The following TULP3 variants were observed in gnomAD, a reference collection of about 807,000 sequenced individuals.
TULP3 encodes tubby-related protein 3.
TULP3 carries 38 observed loss-of-function variants against 50.7 expected under a neutral mutation model. The ratio of observed to expected loss-of-function variants is 0.75; its 90% confidence interval spans 0.58 to 0.98. The LOEUF (loss-of-function observed/expected upper bound fraction) is 0.98. Ranked by LOEUF, TULP3 falls within the 50% of genes least tolerant of loss-of-function variation. The pLI is 0.00. For missense variants in TULP3, 550 were observed against 568.0 expected, an observed-to-expected ratio of 0.97 and a Z score of 0.32; for synonymous variants, 183 against 196.6, an observed-to-expected ratio of 0.93 and a Z score of 0.58.
chr12:2,905,403 C>T (rs2098181622), intron 1 of TULP3, among the ~76,000 whole-genome samples: 1 of 152,000 alleles, frequency 6.6e-6, no homozygotes, highest in African/African-American at 2.4e-5. Flanking sequence ...CCAGGATGGT[C>T]TCGATCTCTT....
intron 1 of TULP3, among the ~76,000 whole-genome samples, chr12:2,906,022 AAAAAAAAAAATTTTTTTTTTTTTTTT>A (rs2098181991): frequency 6.8e-6 from 1 of 146,850 alleles, no homozygotes; most frequent in African/African-American, 2.6e-5. Context: ...ACCCTGTGTA[AAAAAAAAAAATTTTTTTTTTTTTTTT>A]GAGAGAGAGT....
intron 2 of TULP3, 131 bp downstream of exon 2, chr12:2,909,711 GT>G: frequency 1.1e-6 from 1 of 934,324 alleles, no homozygotes; most frequent in South Asian, 1.5e-5. Flanking sequence ...GTGGTTACCT[GT>G]GAAGCAGTGT....
rs768489704 is a variant in TULP3 at position 2,934,518 on chromosome 12, T to C, written c.881T>C (p.Val294Ala). ...TGCCCCATGAAGGGCCGGGGTTTGG[T>C]AGGAGCGGCCCACACCCGGCAGGAG... The part of the protein sequence containing the change: ...GICPMKGRGL[V>A]GAAHTRQELA... Residue 294 changes from valine (V) to alanine (A), a missense_variant, in exon 8 of 11, where the codon GTA (valine) becomes GCA (alanine). Val to Ala is a moderately conservative substitution (Grantham distance 64). Coordinates refer to ENST00000448120, the MANE Select transcript of TULP3 (RefSeq NM_003324.5). The C allele has an allele frequency of 6.2e-7, 1 of 1,604,964 alleles. No individual in the cohort carries two copies. The highest frequency in any genetic ancestry group is 2.3e-5 in the East Asian group (1 of 43,988).
rs2098203818 is a variant in TULP3, at chr12:2,940,093, A to T, written c.*649A>T. The T allele has an allele frequency of 7.8e-7, 1 of 1,289,910 alleles. No homozygotes were observed. The highest frequency in any genetic ancestry group is 1.0e-6 in the Non-Finnish European group (1 of 989,256). The allele number at this position is 1,289,910 out of a possible 1,614,324, so 79.9% of individuals were successfully genotyped here. On this transcript the variant is annotated 3_prime_UTR_variant, in exon 11 of 11. Transcript: ENST00000448120. ...TTGTGATCAATTATGTGAGAATTTT[A>T]TATAATTGTCTTCATTTCAATTAAG... is the stretch of plus-strand genomic sequence containing the variant.
chr12:2,935,187 T>C (rs1481394635), intron 8 of TULP3, among the ~76,000 whole-genome samples: 1 of 152,184 alleles, frequency 6.6e-6, no homozygotes, highest in Non-Finnish European at 1.5e-5. Context: ...TCTATTGGCA[T>C]GCCCCTCCTT....
chr12:2,909,633 G>A (rs2098184335), intron 2 of TULP3, 53 bp downstream of exon 2: 1 of 1,518,948 alleles, frequency 6.6e-7, no homozygotes. Context: ...TGACCGTGAT[G>A]CTGATGGTCT....
At position 2,940,187 on chromosome 12, in the gene TULP3, C is replaced by T. The variant is rs1165118764; in HGVS notation, c.*743C>T. The stretch of plus-strand genomic sequence containing the variant: ...GTAATGTGATAATTGCCTTCATTTT[C>T]AACCCAGGAGTGCCTCTCACAGCTA... On this transcript the variant is annotated 3_prime_UTR_variant, in exon 11 of 11. Coordinates refer to ENST00000448120, the MANE Select transcript of TULP3 (RefSeq NM_003324.5). The T allele has an allele frequency of 7.6e-7, 1 of 1,314,758 alleles. No homozygotes were observed. Among genetic ancestry groups the T allele is most frequent in the East Asian group, 5.1e-5 (1 of 19,594 alleles). The allele number at this position is 1,314,758 out of a possible 1,614,324, so 81.4% of individuals were successfully genotyped here.
intron 1 of TULP3, 142 bp downstream of exon 1, chr12:2,891,130 G>T (rs1157708806): frequency 1.1e-5 from 11 of 981,532 alleles, no homozygotes; most frequent in Non-Finnish European, 1.5e-5. Context: ...TTCGGCGGCG[G>T]GAGGCGACCC....
chr12:2,938,858 C>T (rs535505924), intron 10 of TULP3, among the ~76,000 whole-genome samples: 3 of 152,238 alleles, frequency 2.0e-5, no homozygotes. Context: ...ATAAAGGTTC[C>T]TGGCAGCTCT....
At chr12:2,935,786 T>C (rs2098200874) in intron 8 of TULP3, among the ~76,000 whole-genome samples, 1 of 150,172 alleles carries the variant, frequency 6.7e-6, no homozygotes, top group African/African-American at 2.5e-5. Context: ...CTAGGCAACA[T>C]GGTGAAACCC....
chr12:2,893,038 G>A (rs1030555700), intron 1 of TULP3, among the ~76,000 whole-genome samples: 2 of 151,628 alleles, frequency 1.3e-5, no homozygotes, highest in African/African-American at 2.4e-5. Flanking sequence ...CTAATTTCTT[G>A]TATTTTTTGT....
At chr12:2,914,013 T>G (rs2098187198) in intron 2 of TULP3, among the ~76,000 whole-genome samples, 1 of 152,254 alleles carries the variant, frequency 6.6e-6, no homozygotes, top group African/African-American at 2.4e-5. Context: ...ATGATCAAAT[T>G]ATTGTAATGA....
At chr12:2,897,504 C>T (rs1239861393) in intron 1 of TULP3, among the ~76,000 whole-genome samples, 1 of 152,030 alleles carries the variant, frequency 6.6e-6, no homozygotes, top group African/African-American at 2.4e-5. Flanking sequence ...GTGGTTCAGG[C>T]CTATAATCCT....
At chr12:2,931,877 C>A (rs2098198263) in intron 6 of TULP3, among the ~76,000 whole-genome samples, 1 of 152,082 alleles carries the variant, frequency 6.6e-6, no homozygotes, top group Non-Finnish European at 1.5e-5. Context: ...ACCTGTAATC[C>A]TTGCAGCCAC....
At chr12:2,900,007 GA>G (rs2098178153) in intron 1 of TULP3, among the ~76,000 whole-genome samples, 1 of 151,768 alleles carries the variant, frequency 6.6e-6, no homozygotes, top group Non-Finnish European at 1.5e-5. Flanking sequence ...CTGAGATCAC[GA>G]GTTCGAGACT....
intron 2 of TULP3, among the ~76,000 whole-genome samples, chr12:2,917,176 T>C (rs889121570): frequency 2.1e-4 from 32 of 152,312 alleles, no homozygotes; most frequent in African/African-American, 7.7e-4. Context: ...TTCATAATAC[T>C]CTTTTCCTGG....
intron 4 of TULP3, 119 bp downstream of exon 4, chr12:2,922,521 C>A: frequency 7.9e-7 from 1 of 1,262,700 alleles, no homozygotes; most frequent in Non-Finnish European, 1.1e-6. Context: ...CTTAGGGCCT[C>A]ACAGAGGTGA....
intron 1 of TULP3, among the ~76,000 whole-genome samples, chr12:2,905,097 A>G (rs2098181415): frequency 1.4e-5 from 2 of 146,662 alleles, no homozygotes; most frequent in African/African-American, 5.0e-5. Context: ...AAAAAAAAGA[A>G]TATTAAATCA....
rs769548953 is a variant in TULP3 at position 2,890,923 on chromosome 12, G to C, written c.-25G>C. The C allele has an allele frequency of 6.3e-7, 1 of 1,590,358 alleles. No individual in the cohort carries two copies. The highest frequency in any genetic ancestry group is 8.6e-7 in the Non-Finnish European group (1 of 1,168,730). ...CGACGGCGGGGAAGAGTGTGTACGT[G>C]GTGGGGGCTTCCTCGGTGGCGGGCA... On this transcript the variant is annotated 5_prime_UTR_variant, in exon 1 of 11. Coordinates refer to ENST00000448120, the MANE Select transcript of TULP3 (RefSeq NM_003324.5).
Sources: allele counts gnomAD v4.1 joint callset (sites outside exome capture counted in the v4.1 genomes callset), GRCh38; gene constraint gnomAD v4.1.1; transcripts MANE v1.5; gene names NCBI Gene and HGNC (gene_info 2026-07-23, HGNC 2026-07-21).